Variants in ECI2 observed in about 807,000 individuals in gnomAD.
ECI2 encodes D3,D2-enoyl-CoA isomerase.
In ECI2, 27 loss-of-function variants were observed where a neutral mutation model predicts 38.4. That is an observed-to-expected ratio of 0.70 (90% CI 0.52 to 0.97). The LOEUF is 0.97. ECI2 is among the 50% of genes least tolerant of loss of function. ECI2 has a pLI of 0.00. For missense variants in ECI2, 470 were observed against 474.4 expected (o/e 0.99, Z 0.09); for synonymous variants, 168 against 172.0 (o/e 0.98, Z 0.18).
Position 4,126,207 on chromosome 6 carries a change from T to G in ECI2, c.602A>C (p.Asp201Ala). 2 of 1,613,542 alleles carry G rather than the reference T, an allele frequency of 1.2e-6. No homozygotes were observed. Among genetic ancestry groups the G allele is most frequent in the Non-Finnish European group, 1.7e-6 (2 of 1,179,876 alleles). ...GGGAATATCAGTGAAGTTAGTCAGA[T>G]CATTCCCACTACTGTAATAGTCACC... ...GNGDYYSSGN[D>A]LTNFTDIPPG... The change falls in exon 6 of 10, where the codon GAT becomes GCT. Residue 201 changes from aspartate to alanine, a missense_variant. By Grantham distance (126) the Asp-to-Ala change is moderately radical (BLOSUM62 -2). Coordinates refer to ENST00000380118, the MANE Select transcript of ECI2 (RefSeq NM_206836.3).
chr6:4,128,630 A>G (rs1773328515), intron 4 of ECI2, among the ~76,000 whole-genome samples: 1 of 152,176 alleles, frequency 6.6e-6, no homozygotes, highest in Non-Finnish European at 1.5e-5. Flanking sequence ...GATCAAAAAT[A>G]CCTGGAAAAG....
chr6:4,123,426 C>A (rs906112592), intron 7 of ECI2, among the ~76,000 whole-genome samples: 1 of 151,880 alleles, frequency 6.6e-6, no homozygotes, highest in African/African-American at 2.4e-5. Flanking sequence ...ATCTGCCCAC[C>A]TCAATTTCCT....
At chr6:4,127,927 A>G in intron 4 of ECI2, 96 bp from the exon 5 acceptor site, 2 of 1,145,428 alleles carry the variant, frequency 1.7e-6, no homozygotes, top group Non-Finnish European at 2.5e-6. Context: ...GCTTGCTCTC[A>G]GCAAAGTGCC....
intron 1 of ECI2, 184 bp from the exon 2 acceptor site, chr6:4,133,895 T>C (rs1773608744): frequency 5.1e-6 from 3 of 592,720 alleles, no homozygotes; most frequent in South Asian, 7.5e-5. Flanking sequence ...AATAAGTCAA[T>C]ACAGAAGCTA....
chr6:4,116,002 T>C lies in ECI2; in HGVS notation c.1057A>G (p.Arg353Gly), dbSNP rs750976196. 6.1e-5 allele frequency: 99 copies of C among 1,613,580 alleles called. No homozygotes were observed. Among genetic ancestry groups the C allele is most frequent in the Middle Eastern group, 5.0e-4 (3 of 6,052 alleles). Residue 353 changes from arginine (R) to glycine (G), a missense_variant, in exon 10 of 10, where the codon AGG becomes GGG. By Grantham distance (125) the Arg-to-Gly change is moderately radical. Transcript: ENST00000380118. ...NALRISKEVIRKREREKLHAV... is the reference protein window; with the variant it reads ...NALRISKEVIGKREREKLHAV... Reference sequence around the variant, plus strand: ...TGTAGTTTTTCTCTCTCTCTTTTCCTGATTACCTCTTTTGAAATTCTCAAG... The same window carrying C: ...TGTAGTTTTTCTCTCTCTCTTTTCCCGATTACCTCTTTTGAAATTCTCAAG...
intron 6 of ECI2, 197 bp from the exon 7 acceptor site, chr6:4,125,567 G>T: frequency 1.4e-6 from 1 of 725,258 alleles, no homozygotes; most frequent in Non-Finnish European, 2.2e-6. Flanking sequence ...CTGAATGGCA[G>T]TGGATGGAAG....
chr6:4,134,793 C>T (rs1056577969), intron 1 of ECI2, among the ~76,000 whole-genome samples: 6 of 152,138 alleles, frequency 3.9e-5, no homozygotes, highest in African/African-American at 1.4e-4. Context: ...CACAGAAAGC[C>T]GAAATGTACA....
intron 7 of ECI2, among the ~76,000 whole-genome samples, chr6:4,120,064 C>T (rs1417240550): frequency 6.6e-6 from 1 of 152,250 alleles, no homozygotes; most frequent in Non-Finnish European, 1.5e-5. Flanking sequence ...TATCATTCAC[C>T]AGTTAATGCC....
intron 7 of ECI2, chr6:4,122,053 G>A (rs1401399358): frequency 6.4e-7 from 1 of 1,556,362 alleles, no homozygotes; most frequent in Non-Finnish European, 8.8e-7. Context: ...ACAGGTACAT[G>A]CAAAGTTGCC....
rs1388868510 is a variant in ECI2 at position 4,117,375 on chromosome 6, A to G, written c.962T>C (p.Phe321Ser). The G allele has an allele frequency of 3.1e-6, 5 of 1,613,956 alleles. No individual in the cohort carries two copies. The highest frequency in any genetic ancestry group is 4.2e-6 in the Non-Finnish European group (5 of 1,179,956). ...ACAQGLVTEV[F>S]PDSTFQKEVW... ...TTCTTTCTGAAAAGTGCTATCAGGG[A>G]AAACTTCAGTAACAAGTCCTTGAGC... Residue 321 changes from phenylalanine to serine, a missense_variant, in exon 9 of 10, where the codon TTC becomes TCC. Physicochemically the swap from Phe to Ser is radical, Grantham distance 155. Coordinates refer to ENST00000380118, the MANE Select transcript of ECI2 (RefSeq NM_206836.3).
chr6:4,127,593 T>G (rs1370579588), intron 5 of ECI2, among the ~76,000 whole-genome samples, 169 bp downstream of exon 5: 8 of 151,984 alleles, frequency 5.3e-5, no homozygotes, highest in Non-Finnish European at 7.4e-5. Flanking sequence ...TTTTATATTT[T>G]TAGCAGAGAT....
At position 4,133,648 on chromosome 6, in the gene ECI2, G is replaced by A. The variant is rs1343359315; in HGVS notation, c.114C>T (p.Ala38=). ...QLHMNRTAMR[A]SQKDFENSMN... ...TTGAATTTTCAAAGTCCTTCTGACT[G>A]GCTCTCATTGCTGTTCTATTCATGT... is the stretch of plus-strand genomic sequence containing the variant. The change falls in exon 2 of 10, where the codon GCC becomes GCT. Residue 38 remains alanine (A), a synonymous_variant. Coordinates refer to ENST00000380118, the MANE Select transcript of ECI2 (RefSeq NM_206836.3). 6 of 1,613,984 alleles carry A rather than the reference G, an allele frequency of 3.7e-6. No homozygotes were observed. The highest frequency in any genetic ancestry group is 1.7e-4 in the Middle Eastern group (1 of 6,058).
intron 8 of ECI2, chr6:4,118,750 T>C (rs9503919): frequency 6.5e-6 from 1 of 154,222 alleles, no homozygotes; most frequent in Non-Finnish European, 1.4e-5. Context: ...TGGTACTTAC[T>C]GTAACTCTGA....
intron 2 of ECI2, among the ~76,000 whole-genome samples, chr6:4,131,412 G>T (rs192364423): frequency 2.6e-5 from 4 of 152,130 alleles, no homozygotes; most frequent in Admixed American, 2.6e-4. Context: ...AAGCAAAAAG[G>T]AATTAAATTT....
intron 4 of ECI2, 79 bp downstream of exon 4, chr6:4,130,293 T>C (rs1773435140): frequency 6.2e-7 from 1 of 1,613,612 alleles, no homozygotes; most frequent in South Asian, 1.1e-5. Context: ...GGAATGATGC[T>C]GAAACTCTAC....
At chr6:4,119,319 A>ATTT in intron 7 of ECI2, 44 bp from the exon 8 acceptor site, 48 of 1,171,894 alleles carry the variant, frequency 4.1e-5, no homozygotes, top group Admixed American at 7.6e-5. Context: ...TTCATGTGTG[A>ATTT]TTTTTTTTTT....
Position 4,125,980 on chromosome 6 carries a change from A to G in ECI2, c.674+155T>C, listed in dbSNP as rs765950353. The G allele has an allele frequency of 1.7e-5, 12 of 701,174 alleles. No homozygotes were observed. The African/African-American group carries it at 1.8e-4, about 10-fold the overall frequency. The allele number at this position is 701,174 out of a possible 1,614,324, so 43.4% of individuals were successfully genotyped here. On this transcript the variant is annotated intron_variant, in intron 6 of 9. Coordinates refer to ENST00000380118, the MANE Select transcript of ECI2 (RefSeq NM_206836.3). The stretch of plus-strand genomic sequence containing the variant: ...AAAGAGAAAGAATGAATGCCCACCT[A>G]TGGATGGAGGCAGTTTAGAGAAATA...
At chr6:4,128,925 C>T (rs886775885) in intron 4 of ECI2, among the ~76,000 whole-genome samples, 4 of 152,112 alleles carry the variant, frequency 2.6e-5, no homozygotes, top group African/African-American at 7.2e-5. Context: ...AGCGTTTAAG[C>T]ATTTCTCCTG....
At chr6:4,117,121 G>A (rs1410214685) in intron 9 of ECI2, among the ~76,000 whole-genome samples, 187 bp downstream of exon 9, 1 of 152,164 alleles carries the variant, frequency 6.6e-6, no homozygotes, top group East Asian at 1.9e-4. Context: ...TATTTGATAA[G>A]TTTTGTAAAA....
Sources: allele counts gnomAD v4.1 joint callset (sites outside exome capture counted in the v4.1 genomes callset), GRCh38; gene constraint gnomAD v4.1.1; transcripts MANE v1.5; gene names NCBI Gene and HGNC (gene_info 2026-07-23, HGNC 2026-07-21).